The following LRFN5 variants were observed in gnomAD, a reference collection of about 807,000 sequenced individuals.
The protein encoded by LRFN5 is leucine rich repeat and fibronectin type III domain containing 5, also known as leucine-rich repeat and fibronectin type-III domain-containing protein 5.
In LRFN5, 24 loss-of-function variants were observed where a neutral mutation model predicts 45.6. The observed-to-expected ratio is 0.53, with a 90% CI of 0.38 to 0.74. LRFN5 has a LOEUF of 0.74. LRFN5 is among the 30% of genes least tolerant of loss of function. LRFN5 has a pLI of 0.00. For synonymous variants in LRFN5, 340 were observed against 313.8 expected (o/e 1.08, Z -0.88); for missense variants, 776 against 861.5 (o/e 0.90, Z 1.24).
At chr14:41,638,124 A>G (rs1470041457) in intron 1 of LRFN5, among the ~76,000 whole-genome samples, 5 of 152,110 alleles carry the variant, frequency 3.3e-5, no homozygotes, top group Non-Finnish European at 7.4e-5. Context: ...ATCCATATGG[A>G]TAACAGCACC....
intron 1 of LRFN5, among the ~76,000 whole-genome samples, chr14:41,667,684 A>G (rs1056103616): frequency 6.6e-6 from 1 of 152,014 alleles, no homozygotes; most frequent in Admixed American, 6.6e-5. Flanking sequence ...GTAGACCTCT[A>G]TCTATAAAAT....
At chr14:41,893,445 C>A in intron 4 of LRFN5, 3 of 984,936 alleles carry the variant, frequency 3.0e-6, no homozygotes, top group Non-Finnish European at 3.6e-6. Context: ...TTGCTTTGCA[C>A]AAAAGAAATG....
At chr14:41,751,034 C>T (rs552320044) in intron 1 of LRFN5, among the ~76,000 whole-genome samples, 50 of 152,116 alleles carry the variant, frequency 3.3e-4, no homozygotes, top group Non-Finnish European at 6.2e-4. Flanking sequence ...CATGTGTTCT[C>T]ATTGTTCACC....
chr14:41,795,410 A>C (rs1490326406), intron 2 of LRFN5, among the ~76,000 whole-genome samples: 1 of 152,130 alleles, frequency 6.6e-6, no homozygotes, highest in Non-Finnish European at 1.5e-5. Flanking sequence ...CATTTGACCC[A>C]GCGATCCCAT....
chr14:41,771,353 C>T (rs1265757238), intron 2 of LRFN5, among the ~76,000 whole-genome samples: 1 of 151,948 alleles, frequency 6.6e-6, no homozygotes, highest in East Asian at 2.0e-4. Flanking sequence ...CTCTCTAGCA[C>T]ATGGTTGCTC....
intron 1 of LRFN5, among the ~76,000 whole-genome samples, chr14:41,734,004 TA>T (rs1392066828): frequency 1.4e-5 from 2 of 146,602 alleles, no homozygotes; most frequent in African/African-American, 5.0e-5. Context: ...TATGTATATA[TA>T]TATTTTTTCT....
At chr14:41,631,691 C>T (rs1200492043) in intron 1 of LRFN5, among the ~76,000 whole-genome samples, 1 of 151,938 alleles carries the variant, frequency 6.6e-6, no homozygotes, top group African/African-American at 2.4e-5. Context: ...TCAGAGATGC[C>T]TACTGAGAGA....
At chr14:41,865,223 C>T (rs954462210) in intron 2 of LRFN5, among the ~76,000 whole-genome samples, 1 of 152,048 alleles carries the variant, frequency 6.6e-6, no homozygotes, top group Non-Finnish European at 1.5e-5. Context: ...CTCATCAGAA[C>T]CACTCCCCAT....
intron 1 of LRFN5, among the ~76,000 whole-genome samples, chr14:41,752,515 GTGA>G (rs1432969952): frequency 6.6e-6 from 1 of 152,192 alleles, no homozygotes; most frequent in Non-Finnish European, 1.5e-5. Context: ...CTGATGGCCA[GTGA>G]TGATGAGCAT....
Position 41,607,212 on chromosome 14 carries a change from C to T in LRFN5, c.-1547C>T, listed in dbSNP as rs1429315030. On this transcript the variant is annotated 5_prime_UTR_variant, in exon 1 of 6. Coordinates refer to ENST00000298119, the MANE Select transcript of LRFN5 (RefSeq NM_152447.5). ...CTTGAGGATGTGAATTGTTTAGCAG[C>T]TGGCTGCTCCCTTAGGATCCTTGAC... 1.3e-5 allele frequency among the ~76,000 whole-genome samples: 2 copies of T among 152,104 alleles called. No individual in the cohort carries two copies. Among genetic ancestry groups the T allele is most frequent in the Non-Finnish European group, 2.9e-5 (2 of 68,026 alleles).
At chr14:41,717,704 C>T (rs764248002) in intron 1 of LRFN5, among the ~76,000 whole-genome samples, 8 of 152,190 alleles carry the variant, frequency 5.3e-5, no homozygotes, top group Non-Finnish European at 8.8e-5. Context: ...AGTGTCTACA[C>T]TGTGTTAAAT....
intron 2 of LRFN5, among the ~76,000 whole-genome samples, chr14:41,794,605 G>A (rs1324964736): frequency 6.6e-6 from 1 of 152,052 alleles, no homozygotes; most frequent in African/African-American, 2.4e-5. Context: ...TGTGGGAAAA[G>A]TTCAAGATGA....
chr14:41,632,861 T>C (rs1338692354), intron 1 of LRFN5, among the ~76,000 whole-genome samples: 3 of 152,208 alleles, frequency 2.0e-5, no homozygotes, highest in Non-Finnish European at 4.4e-5. Context: ...TATTTTAAAA[T>C]TCTTATATTT....
intron 1 of LRFN5, among the ~76,000 whole-genome samples, chr14:41,726,095 T>C (rs1042792261): frequency 6.6e-6 from 1 of 152,138 alleles, no homozygotes; most frequent in African/African-American, 2.4e-5. Context: ...ATTAATTGGA[T>C]AAAAAGGGGA....
intron 2 of LRFN5, among the ~76,000 whole-genome samples, chr14:41,818,762 T>A (rs753882888): frequency 6.6e-6 from 1 of 152,158 alleles, no homozygotes; most frequent in Admixed American, 6.6e-5. Flanking sequence ...AAAATAGATT[T>A]GTGGGCACAC....
rs950412467 is a variant in LRFN5, at chr14:41,891,135, A to T, written c.1386-115A>T. 1.0e-5 allele frequency: 8 copies of T among 801,570 alleles called. No homozygotes were observed. In the African/African-American group the frequency reaches 1.4e-4, roughly 14 times the overall value. The allele number at this position is 801,570 out of a possible 1,614,324, so 49.7% of individuals were successfully genotyped here. A position where few individuals can be genotyped will look rare whatever the true frequency, so the allele number is the denominator to read the frequency against. Reference sequence around the variant, plus strand: ...ATTAGATCATTTTTCAATAATTCATATGTTATAAATGTACTTAATGATACT... The same window carrying T: ...ATTAGATCATTTTTCAATAATTCATTTGTTATAAATGTACTTAATGATACT... On this transcript the variant is annotated intron_variant, in intron 3 of 5. Transcript: ENST00000298119.
intron 2 of LRFN5, among the ~76,000 whole-genome samples, chr14:41,841,126 A>G (rs1888844984): frequency 6.6e-6 from 1 of 151,946 alleles, no homozygotes; most frequent in South Asian, 2.1e-4. Flanking sequence ...TAACTGTATA[A>G]ATTATACATA....
intron 1 of LRFN5, among the ~76,000 whole-genome samples, chr14:41,765,640 T>C (rs1351808222): frequency 6.6e-6 from 1 of 152,244 alleles, no homozygotes; most frequent in Non-Finnish European, 1.5e-5. Flanking sequence ...AACATGGTTG[T>C]CAAATGATTG....
At chr14:41,609,774 C>T (rs1935725430) in intron 1 of LRFN5, among the ~76,000 whole-genome samples, 1 of 152,176 alleles carries the variant, frequency 6.6e-6, no homozygotes, top group South Asian at 2.1e-4. Context: ...CTCAGGGTGC[C>T]CTGCTTCAGG....
Sources: gnomAD v4.1 joint callset for allele counts (sites outside exome capture counted in the v4.1 genomes callset) on GRCh38, gnomAD v4.1.1 for gene constraint, MANE v1.5 for transcripts, NCBI Gene and HGNC (gene_info 2026-07-23, HGNC 2026-07-21) for gene names.